Variants in DHRSX observed in about 807,000 individuals in gnomAD.
The protein encoded by DHRSX is polyprenol dehydrogenase.
DHRSX carries 31 observed loss-of-function variants against 34.0 expected under a neutral mutation model. That is an observed-to-expected ratio of 0.91 (90% confidence interval 0.69 to 1.23). The LOEUF (loss-of-function observed/expected upper bound fraction) is 1.23. DHRSX is among the 50% of genes most tolerant of loss of function. The probability of loss-of-function intolerance (pLI) is 0.00; values close to 1 mark genes in which losing one functional copy is unlikely to be tolerated. For missense variants in DHRSX, 414 were observed against 428.1 expected, an observed-to-expected ratio of 0.97 and a Z score of 0.29; for synonymous variants, 201 against 183.8, an observed-to-expected ratio of 1.09 and a Z score of -0.76.
intron 1 of DHRSX, chrX:2,487,799 A>C (rs2044985765): frequency 6.6e-6 from 1 of 151,190 alleles, no homozygotes; most frequent in African/African-American, 2.4e-5. Flanking sequence ...TTAACCGAAC[A>C]TTAAAAAAAA....
chrX:2,314,181 G>A (rs73628294), intron 3 of DHRSX, among the ~76,000 whole-genome samples: 1 of 103,576 alleles, frequency 9.7e-6, no homozygotes, highest in African/African-American at 4.0e-5. Flanking sequence ...GGGACGGAAG[G>A]AAGGAGGGAA....
intron 3 of DHRSX, among the ~76,000 whole-genome samples, chrX:2,314,209 G>A (rs2042199009): frequency 5.3e-5 from 1 of 18,870 alleles, no homozygotes; most frequent in African/African-American, 4.1e-4. Context: ...AGGAAGAGAG[G>A]GAGGGAAGGA....
chrX:2,368,967 T>A (rs190458563), intron 3 of DHRSX, among the ~76,000 whole-genome samples: 1 of 152,164 alleles, frequency 6.6e-6, no homozygotes, highest in Non-Finnish European at 1.5e-5. Context: ...AGTAAATAAG[T>A]AAATAAAAAA....
rs755595129 is a variant in DHRSX, at chrX:2,221,096, TGCTGCA to T, written c.932_937del (p.Leu311_Gln312del). On this transcript the variant is annotated inframe_deletion, in exon 7 of 7. Transcript: ENST00000334651. Reference sequence around the variant, plus strand: ...CTCACAACTCTTAGACCACAGCTGCTGCTGCAGTTTCTGGTTGTAGGTGACGTGGAG... The same window carrying T: ...CTCACAACTCTTAGACCACAGCTGCTGTTTCTGGTTGTAGGTGACGTGGAG... 6.2e-7 allele frequency: 1 copy of T among 1,613,974 alleles called. No individual in the cohort carries two copies. The highest frequency in any genetic ancestry group is 1.1e-5 in the South Asian group (1 of 91,076).
intron 1 of DHRSX, among the ~76,000 whole-genome samples, chrX:2,446,925 G>A (rs759046191): frequency 3.3e-5 from 5 of 151,738 alleles, no homozygotes; most frequent in African/African-American, 9.7e-5. Flanking sequence ...CTGAGGGGCC[G>A]CCGCCATGTA....
At chrX:2,284,704 G>A (rs1202486459) in intron 4 of DHRSX, among the ~76,000 whole-genome samples, 3 of 152,138 alleles carry the variant, frequency 2.0e-5, no homozygotes, top group Admixed American at 6.6e-5. Context: ...ATACAATTTT[G>A]AAGTGAATAA....
chrX:2,222,857 G>A (rs1304014673), intron 6 of DHRSX, among the ~76,000 whole-genome samples: 8 of 152,206 alleles, frequency 5.3e-5, no homozygotes, highest in Admixed American at 5.2e-4. Flanking sequence ...GACGTGGAAA[G>A]GCATGGTAGA....
chrX:2,448,329 T>C (rs2044166613), intron 1 of DHRSX, among the ~76,000 whole-genome samples: 1 of 152,032 alleles, frequency 6.6e-6, no homozygotes, highest in Non-Finnish European at 1.5e-5. Flanking sequence ...TGAGACTGTC[T>C]CAAAAAAATA....
intron 1 of DHRSX, among the ~76,000 whole-genome samples, chrX:2,475,175 TCC>T (rs1569505105): frequency 2.9e-5 from 4 of 135,890 alleles, no homozygotes; most frequent in African/African-American, 8.7e-5. Flanking sequence ...CTAAGGGACC[TCC>T]GCCATGTGCA....
intron 1 of DHRSX, among the ~76,000 whole-genome samples, chrX:2,451,088 C>T (rs1224154192): frequency 6.6e-6 from 1 of 152,050 alleles, no homozygotes. Flanking sequence ...TTATAAATTA[C>T]CCAACTGAAG....
At chrX:2,494,743 C>G (rs1460144676) in intron 1 of DHRSX, among the ~76,000 whole-genome samples, 1 of 151,570 alleles carries the variant, frequency 6.6e-6, no homozygotes, top group East Asian at 1.9e-4. Context: ...GTTCTGGTAC[C>G]TAGAGCCAAG....
intron 1 of DHRSX, among the ~76,000 whole-genome samples, chrX:2,459,932 A>G (rs2044379697): frequency 6.6e-6 from 1 of 151,834 alleles, no homozygotes; most frequent in Admixed American, 6.6e-5. Context: ...ATATGCTGAA[A>G]CCCTGTCTCT....
At chrX:2,269,728 C>T (rs867909455) in intron 4 of DHRSX, among the ~76,000 whole-genome samples, 4 of 152,060 alleles carry the variant, frequency 2.6e-5, no homozygotes, top group Non-Finnish European at 4.4e-5. Flanking sequence ...TCAGTAGAGA[C>T]GGGGTTTTGC....
chrX:2,418,956 C>A (rs1160058292), intron 2 of DHRSX, among the ~76,000 whole-genome samples: 1 of 152,096 alleles, frequency 6.6e-6, no homozygotes, highest in African/African-American at 2.4e-5. Context: ...CTAATTTACT[C>A]AGGTCCCAGG....
chrX:2,444,010 GA>G (rs569503260), intron 1 of DHRSX, among the ~76,000 whole-genome samples: 1,358 of 102,304 alleles, frequency 0.013, 7 homozygotes, highest in South Asian at 0.028. Context: ...GTCTCAAAAA[GA>G]AAAAAAAAAA....
At chrX:2,499,710 C>T (rs748881674) in intron 1 of DHRSX, among the ~76,000 whole-genome samples, 42 of 152,244 alleles carry the variant, frequency 2.8e-4, no homozygotes, top group African/African-American at 8.7e-4. Flanking sequence ...AGTTTCAGAC[C>T]AGCCTGGGCA....
At chrX:2,320,916 G>A (rs1355783467) in intron 3 of DHRSX, among the ~76,000 whole-genome samples, 1 of 152,044 alleles carries the variant, frequency 6.6e-6, no homozygotes, top group African/African-American at 2.4e-5. Context: ...TCTGCCTGAG[G>A]GCTCAGTGAT....
At chrX:2,476,994 C>T (rs184508922) in intron 1 of DHRSX, among the ~76,000 whole-genome samples, 1 of 152,236 alleles carries the variant, frequency 6.6e-6, no homozygotes, top group East Asian at 1.9e-4. Context: ...AGTAGCAAAA[C>T]TCCATCTCGA....
chrX:2,445,207 G>A (rs904730119), intron 1 of DHRSX, among the ~76,000 whole-genome samples: 15 of 152,090 alleles, frequency 9.9e-5, no homozygotes, highest in Non-Finnish European at 2.1e-4. Context: ...TGGACACAGG[G>A]CCGAAAAGGG....
Sources: allele counts gnomAD v4.1 joint callset (sites outside exome capture counted in the v4.1 genomes callset), GRCh38; gene constraint gnomAD v4.1.1; transcripts MANE v1.5; gene names NCBI Gene and HGNC (gene_info 2026-07-23, HGNC 2026-07-21).